Variants in TNPO3 observed in about 807,000 individuals in gnomAD.
TNPO3 encodes the protein transportin-3.
Under a neutral mutation model 122.8 loss-of-function variants are expected in TNPO3, and 65 were observed. The ratio of observed to expected loss-of-function variants is 0.53; its 90% CI spans 0.43 to 0.65. The LOEUF is 0.65. Ranked by LOEUF, TNPO3 falls within the 30% of genes least tolerant of loss-of-function variation. The pLI, the probability that TNPO3 is intolerant of heterozygous loss-of-function variation, is 0.00. For synonymous variants in TNPO3, 372 were observed against 411.2 expected, an observed-to-expected ratio of 0.90 and a Z score of 1.15; for missense variants, 850 against 1,136.7, an observed-to-expected ratio of 0.75 and a Z score of 3.63.
At chr7:129,032,691 G>A (rs1806088362) in intron 1 of TNPO3, among the ~76,000 whole-genome samples, 1 of 152,130 alleles carries the variant, frequency 6.6e-6, no homozygotes, top group African/African-American at 2.4e-5. Context: ...AAACATTGCT[G>A]AAAGAAATTA....
At chr7:128,961,774 T>C (rs1012660430) in intron 21 of TNPO3, among the ~76,000 whole-genome samples, 1 of 152,152 alleles carries the variant, frequency 6.6e-6, no homozygotes, top group Non-Finnish European at 1.5e-5. Context: ...TCCGATGACC[T>C]GGTAGGTAAC....
chr7:129,055,724 TG>T (rs1352122617), upstream of TNPO3: 2 of 298,276 alleles, frequency 6.7e-6, no homozygotes, highest in Non-Finnish European at 1.3e-5. Context: ...ACTGTATTTT[TG>T]TGAATGCCTT....
chr7:129,050,398 A>AG (rs1808600189), intron 1 of TNPO3, among the ~76,000 whole-genome samples: 1 of 90,908 alleles, frequency 1.1e-5, no homozygotes, highest in Non-Finnish European at 2.6e-5. Flanking sequence ...AAAAAAAAAA[A>AG]AAAGGGTGGG....
intron 1 of TNPO3, among the ~76,000 whole-genome samples, chr7:129,052,069 C>A (rs1808846842): frequency 1.3e-5 from 2 of 152,236 alleles, no homozygotes; most frequent in African/African-American, 4.8e-5. Flanking sequence ...AATCCAGATG[C>A]TGAAGTTGCC....
intron 1 of TNPO3, among the ~76,000 whole-genome samples, chr7:129,043,955 C>T (rs1216954166): frequency 3.3e-5 from 5 of 152,324 alleles, no homozygotes; most frequent in Admixed American, 6.5e-5. Flanking sequence ...TGCCTACCTG[C>T]TCAGTTTTAT....
chr7:129,051,891 G>A (rs545056209), intron 1 of TNPO3, among the ~76,000 whole-genome samples: 8 of 152,248 alleles, frequency 5.3e-5, no homozygotes, highest in Admixed American at 3.9e-4. Flanking sequence ...CGATCCGCCC[G>A]CCTCAGCCTC....
chr7:129,045,874 C>T (rs1807972858), intron 1 of TNPO3, among the ~76,000 whole-genome samples: 1 of 152,110 alleles, frequency 6.6e-6, no homozygotes, highest in South Asian at 2.1e-4. Flanking sequence ...TTGTACCGTA[C>T]AGTACTTGGA....
chr7:128,955,246 C>T lies in TNPO3; in HGVS notation c.*171G>A, dbSNP rs1458770647. 8.9e-6 allele frequency: 4 copies of T among 450,528 alleles called. No individual in the cohort carries two copies. Among genetic ancestry groups the T allele is most frequent in the Non-Finnish European group, 1.8e-5 (4 of 225,498 alleles). The allele number at this position is 450,528 out of a possible 1,614,324, so 27.9% of individuals were successfully genotyped here. On this transcript the variant is annotated 3_prime_UTR_variant, in exon 23 of 23. Transcript: ENST00000265388. ...CCAAACAGGAACTCCTCAGGATGGC[C>T]TCAGAAGGCTGGAGTCTCTCCCTGT...
intron 1 of TNPO3, among the ~76,000 whole-genome samples, chr7:129,025,653 T>A (rs2150471043): frequency 6.6e-6 from 1 of 151,926 alleles, no homozygotes; most frequent in African/African-American, 2.4e-5. Context: ...GTTCAAGCAA[T>A]CCTCTTGCCT....
At chr7:129,050,645 C>T (rs1329584816) in intron 1 of TNPO3, among the ~76,000 whole-genome samples, 1 of 152,078 alleles carries the variant, frequency 6.6e-6, no homozygotes, top group Non-Finnish European at 1.5e-5. Context: ...GAGTATCATG[C>T]TGAAAAACAA....
At chr7:128,989,909 A>G (rs1800571314) in intron 11 of TNPO3, 52 bp downstream of exon 11, 2 of 1,589,156 alleles carry the variant, frequency 1.3e-6, no homozygotes, top group Admixed American at 3.4e-5. Flanking sequence ...ATGAGAAGAA[A>G]AATCAGAAAA....
chr7:129,016,569 C>G (rs1803883429), intron 3 of TNPO3, among the ~76,000 whole-genome samples: 1 of 152,178 alleles, frequency 6.6e-6, no homozygotes, highest in Non-Finnish European at 1.5e-5. Flanking sequence ...GTAGCAAGCT[C>G]TGTGTGTCTA....
rs1441978482 is a variant in TNPO3 at position 129,000,952 on chromosome 7, A to G, written c.872+107T>C. On this transcript the variant is annotated intron_variant, in intron 6 of 22. Transcript: ENST00000265388. Reference sequence around the variant, plus strand: ...CTTTAGGAAGCACTATCTGTACTTTACAGAATCACTGAGAATCACAAATGA... The same window carrying G: ...CTTTAGGAAGCACTATCTGTACTTTGCAGAATCACTGAGAATCACAAATGA... The G allele has an allele frequency of 3.0e-6, 4 of 1,339,342 alleles. No individual in the cohort carries two copies. The East Asian group carries it at 7.0e-5, about 23-fold the overall frequency. 83.0% of individuals were successfully genotyped at this position (1,339,342 alleles called of 1,614,324 possible).
At chr7:128,974,335 A>C (rs1338340363) in intron 18 of TNPO3, among the ~76,000 whole-genome samples, 1 of 149,096 alleles carries the variant, frequency 6.7e-6, no homozygotes, top group Non-Finnish European at 1.5e-5. Flanking sequence ...GTTTTGGTTC[A>C]AATTCCTTAG....
intron 1 of TNPO3, among the ~76,000 whole-genome samples, chr7:129,019,024 A>C (rs1370080168): frequency 6.6e-6 from 1 of 152,072 alleles, no homozygotes; most frequent in African/African-American, 2.4e-5. Context: ...TGGCCCCTTC[A>C]ATTATTTTCT....
rs549257861 is a variant in TNPO3, at chr7:128,992,628, G to A, written c.1267-538C>T. On this transcript the variant is annotated intron_variant, in intron 9 of 22. Coordinates refer to ENST00000265388, the MANE Select transcript of TNPO3 (RefSeq NM_012470.4). ...TAGCAGAATACTCAGAGATGTTCTG[G>A]TCCACAATTTCCCAGATTATATCCA... Among the ~76,000 whole-genome samples the A allele has an allele frequency of 1.3e-4, 20 of 152,072 alleles. No individual in the cohort carries two copies. The East Asian group carries it at 3.9e-3, about 29-fold the overall frequency.
At chr7:129,038,855 C>G (rs536018927) in intron 1 of TNPO3, among the ~76,000 whole-genome samples, 1 of 151,962 alleles carries the variant, frequency 6.6e-6, no homozygotes, top group Non-Finnish European at 1.5e-5. Context: ...GGGAGAGGAT[C>G]GGAAAAAATA....
intron 10 of TNPO3, among the ~76,000 whole-genome samples, chr7:128,990,614 T>C (rs906268172): frequency 2.0e-5 from 3 of 152,186 alleles, no homozygotes; most frequent in African/African-American, 7.2e-5. Flanking sequence ...ACAGGTTAAG[T>C]ATGGGTAGGC....
intron 14 of TNPO3, among the ~76,000 whole-genome samples, chr7:128,980,355 C>A (rs1437259683): frequency 6.6e-6 from 1 of 152,228 alleles, no homozygotes; most frequent in Non-Finnish European, 1.5e-5. Context: ...CGCCTGTAAT[C>A]CCAGCACTCT....
Sources: allele counts gnomAD v4.1 joint callset (sites outside exome capture counted in the v4.1 genomes callset), GRCh38; gene constraint gnomAD v4.1.1; transcripts MANE v1.5; gene names NCBI Gene and HGNC (gene_info 2026-07-23, HGNC 2026-07-21).